Variants in FSTL4 observed in about 807,000 individuals in gnomAD.
FSTL4 encodes follistatin like 4.
Under a neutral mutation model 78.2 loss-of-function variants are expected in FSTL4, and 28 were observed. The observed-to-expected ratio is 0.36, with a 90% confidence interval of 0.27 to 0.49. The LOEUF is 0.49. Ranked by LOEUF, FSTL4 falls within the 20% of genes least tolerant of loss-of-function variation. The pLI is 0.98. For missense variants in FSTL4, 922 were observed against 1,084.9 expected (o/e 0.85, Z 2.11); for synonymous variants, 422 against 440.5 (o/e 0.96, Z 0.53).
intron 4 of FSTL4, among the ~76,000 whole-genome samples, chr5:133,366,298 A>G (rs1312507964): frequency 2.0e-5 from 3 of 152,168 alleles, no homozygotes; most frequent in African/African-American, 7.2e-5. Flanking sequence ...TACCCCAGCC[A>G]TTGAAACTCC....
chr5:133,631,241 T>A, the FSTL4 span, among the ~76,000 whole-genome samples: 1 of 151,666 alleles, frequency 6.6e-6, no homozygotes. Context: ...ATTTTTGCAA[T>A]CTATCCATCT....
At chr5:133,590,677 GC>G (rs1760604258) in intron 2 of FSTL4, among the ~76,000 whole-genome samples, 3 of 152,166 alleles carry the variant, frequency 2.0e-5, no homozygotes, top group Non-Finnish European at 4.4e-5. Context: ...GAGCACCAAA[GC>G]CTGCTCCCCT....
intron 10 of FSTL4, among the ~76,000 whole-genome samples, chr5:133,224,904 C>G (rs1261831642): frequency 6.6e-6 from 1 of 151,878 alleles, no homozygotes; most frequent in Non-Finnish European, 1.5e-5. Flanking sequence ...CCTTGTGTTC[C>G]TGGGCTCTGT....
At chr5:133,535,313 T>A (rs1005271608) in intron 3 of FSTL4, among the ~76,000 whole-genome samples, 3 of 152,176 alleles carry the variant, frequency 2.0e-5, no homozygotes, top group African/African-American at 7.2e-5. Context: ...TCTGCAGCAA[T>A]GTAACATGTC....
At chr5:133,639,224 T>C in the FSTL4 span, among the ~76,000 whole-genome samples, 1 of 152,166 alleles carries the variant, frequency 6.6e-6, no homozygotes, top group African/African-American at 2.4e-5. Context: ...AAACACCACA[T>C]TTTCTCACTC....
the FSTL4 span, among the ~76,000 whole-genome samples, chr5:133,714,624 A>G: frequency 5.3e-5 from 8 of 152,334 alleles, no homozygotes; most frequent in Middle Eastern, 3.4e-3. Context: ...CCAAGCTGTG[A>G]TGAGTGAGTA....
At chr5:133,473,818 G>A (rs1207431886) in intron 3 of FSTL4, among the ~76,000 whole-genome samples, 1 of 152,150 alleles carries the variant, frequency 6.6e-6, no homozygotes, top group Non-Finnish European at 1.5e-5. Context: ...GGTGGCAGGA[G>A]AGACAATGAG....
the FSTL4 span, among the ~76,000 whole-genome samples, chr5:133,792,193 C>T: frequency 6.6e-6 from 1 of 152,182 alleles, no homozygotes; most frequent in African/African-American, 2.4e-5. Flanking sequence ...TGTGTCCTCC[C>T]ACTAAATGCA....
intron 2 of FSTL4, among the ~76,000 whole-genome samples, chr5:133,572,037 T>A (rs1249469665): frequency 1.3e-5 from 2 of 152,152 alleles, no homozygotes; most frequent in Admixed American, 1.3e-4. Flanking sequence ...AAGCCAGAAA[T>A]TTGGGAATCT....
the FSTL4 span, among the ~76,000 whole-genome samples, chr5:133,674,805 G>C: frequency 3.3e-5 from 5 of 152,282 alleles, no homozygotes; most frequent in East Asian, 7.7e-4. Context: ...CGTGCTCATA[G>C]GCGTTAGGGT....
chr5:133,239,179 G>C (rs112893591), intron 7 of FSTL4, among the ~76,000 whole-genome samples: 1 of 151,412 alleles, frequency 6.6e-6, no homozygotes, highest in Non-Finnish European at 1.5e-5. Context: ...CTGCCTCCCT[G>C]CGGGGCAAGG....
chr5:133,575,785 T>C (rs1760263767), intron 2 of FSTL4, among the ~76,000 whole-genome samples: 1 of 152,248 alleles, frequency 6.6e-6, no homozygotes, highest in Non-Finnish European at 1.5e-5. Flanking sequence ...AAATGAGACT[T>C]AGTGCATGGG....
chr5:133,303,439 C>T (rs1305864590), intron 6 of FSTL4, among the ~76,000 whole-genome samples: 1 of 152,242 alleles, frequency 6.6e-6, no homozygotes, highest in Non-Finnish European at 1.5e-5. Flanking sequence ...CTCTGCCTAG[C>T]CAGGGACTGT....
the FSTL4 span, among the ~76,000 whole-genome samples, chr5:133,712,476 A>C: frequency 1.3e-5 from 2 of 152,204 alleles, no homozygotes; most frequent in South Asian, 4.1e-4. Flanking sequence ...TCCTGGTCCC[A>C]GCTCTTTCCA....
At position 133,338,593 on chromosome 5, in the gene FSTL4, G is replaced by A. The variant is rs1580630744; in HGVS notation, c.410-21941C>T. Among the ~76,000 whole-genome samples the A allele has an allele frequency of 1.3e-5, 2 of 152,124 alleles. No individual in the cohort carries two copies. The highest frequency in any genetic ancestry group is 3.9e-4 in the East Asian group (2 of 5,170). On this transcript the variant is annotated intron_variant, in intron 4 of 15. Coordinates refer to ENST00000265342, the MANE Select transcript of FSTL4 (RefSeq NM_015082.2). The surrounding 1 kb of genome is among the most constrained non-coding windows in gnomAD (Gnocchi z 4.0). The stretch of plus-strand genomic sequence containing the variant: ...TGGAGCGGTGTCTACTCACTATCCA[G>A]CCCAGTATCCACTATCCTCTCTTGA...
the FSTL4 span, among the ~76,000 whole-genome samples, chr5:133,820,953 T>C: frequency 1.3e-5 from 2 of 152,226 alleles, no homozygotes; most frequent in African/African-American, 4.8e-5. Context: ...AAAAGGGTGG[T>C]AATAGGAGAT....
chr5:133,616,338 T>TATCTATC (rs1554073719), upstream of FSTL4, among the ~76,000 whole-genome samples: 58 of 152,042 alleles, frequency 3.8e-4, no homozygotes, highest in African/African-American at 1.4e-3. Context: ...TCTATCTATC[T>TATCTATC]ATCTATCTAT....
At chr5:133,287,160 G>A (rs922524448) in intron 6 of FSTL4, among the ~76,000 whole-genome samples, 4 of 152,006 alleles carry the variant, frequency 2.6e-5, no homozygotes, top group Non-Finnish European at 4.4e-5. Context: ...AGGCTGAGGC[G>A]GGTGGATCAC....
At chr5:133,790,150 C>T in the FSTL4 span, among the ~76,000 whole-genome samples, 456 of 152,326 alleles carry the variant, frequency 3.0e-3, 2 homozygotes, top group Middle Eastern at 0.01. Flanking sequence ...TGCTCAAAAA[C>T]TTCAATGACT....
Sources: gnomAD v4.1 joint callset for allele counts (sites outside exome capture counted in the v4.1 genomes callset) on GRCh38, gnomAD v4.1.1 for gene constraint, Gnocchi (gnomAD v3.1) non-coding constraint, MANE v1.5 for transcripts, NCBI Gene and HGNC (gene_info 2026-07-23, HGNC 2026-07-21) for gene names.